Variants in PDE4D observed in about 807,000 individuals in gnomAD.
PDE4D encodes the protein 3',5'-cyclic-AMP phosphodiesterase 4D.
Under a neutral mutation model 87.4 loss-of-function variants are expected in PDE4D, and 24 were observed. The ratio of observed to expected loss-of-function variants is 0.27; its 90% CI spans 0.20 to 0.39. PDE4D has a LOEUF of 0.39. PDE4D is among the 10% of genes least tolerant of loss of function. The pLI is 1.00. For missense variants in PDE4D, 714 were observed against 1,041.0 expected (o/e 0.69, Z 4.32); for synonymous variants, 384 against 383.2 (o/e 1.00, Z -0.02).
At chr5:60,120,195 C>G (rs1778551026) in intron 2 of PDE4D, among the ~76,000 whole-genome samples, 1 of 152,122 alleles carries the variant, frequency 6.6e-6, no homozygotes, top group Non-Finnish European at 1.5e-5. Flanking sequence ...TCCAATATGT[C>G]CATTGCATTA....
intron 2 of PDE4D, among the ~76,000 whole-genome samples, chr5:60,016,159 A>G (rs1238086560): frequency 6.6e-6 from 1 of 151,990 alleles, no homozygotes; most frequent in Non-Finnish European, 1.5e-5. Context: ...ATTGTAATAC[A>G]GTAACTCACA....
At chr5:60,344,340 C>G (rs1332591379) in intron 1 of PDE4D, among the ~76,000 whole-genome samples, 1 of 151,896 alleles carries the variant, frequency 6.6e-6, no homozygotes, top group Non-Finnish European at 1.5e-5. Flanking sequence ...CAATAGAGCT[C>G]TCTATTCGTT....
chr5:60,511,879 ACT>A (rs1717869199), intron 1 of PDE4D, among the ~76,000 whole-genome samples: 4 of 152,136 alleles, frequency 2.6e-5, no homozygotes, highest in African/African-American at 4.8e-5. Context: ...TATTTCAAGC[ACT>A]CTATTAATGC....
At chr5:60,042,705 CCTGA>C (rs1452856869) in intron 2 of PDE4D, among the ~76,000 whole-genome samples, 2 of 152,142 alleles carry the variant, frequency 1.3e-5, no homozygotes, top group African/African-American at 2.4e-5. Context: ...AGCAGAGAGG[CCTGA>C]CTGTTAGAAG....
chr5:59,513,550 C>T (rs1810620380), intron 1 of PDE4D, among the ~76,000 whole-genome samples: 1 of 152,110 alleles, frequency 6.6e-6, no homozygotes, highest in African/African-American at 2.4e-5. Context: ...CTGTAAAAGA[C>T]TACATGATTT....
intron 1 of PDE4D, among the ~76,000 whole-genome samples, chr5:60,306,298 T>C (rs1310233837): frequency 1.3e-5 from 2 of 151,892 alleles, no homozygotes; most frequent in African/African-American, 2.4e-5. Context: ...AAAATCTATA[T>C]AAAATCTAAT....
intron 1 of PDE4D, among the ~76,000 whole-genome samples, chr5:60,287,700 C>A (rs922737710): frequency 6.6e-6 from 1 of 152,180 alleles, no homozygotes; most frequent in Admixed American, 6.5e-5. Context: ...CCATCCTTGG[C>A]AGAAATAGTT....
intron 1 of PDE4D, among the ~76,000 whole-genome samples, chr5:60,279,960 G>A (rs1751737942): frequency 2.0e-5 from 3 of 151,984 alleles, no homozygotes; most frequent in African/African-American, 7.2e-5. Context: ...GATTACAGGC[G>A]TGAGCCACCA....
At chr5:59,282,903 T>C (rs1015669663) in intron 1 of PDE4D, among the ~76,000 whole-genome samples, 4 of 152,114 alleles carry the variant, frequency 2.6e-5, no homozygotes, top group Non-Finnish European at 5.9e-5. Flanking sequence ...ATAAGTTTTC[T>C]CTAATGTAAA....
At chr5:59,210,181 G>T (rs1471701310) in intron 2 of PDE4D, among the ~76,000 whole-genome samples, 1 of 152,204 alleles carries the variant, frequency 6.6e-6, no homozygotes, top group Non-Finnish European at 1.5e-5. Flanking sequence ...TTGCAATCTA[G>T]GTAAGAGATG....
chr5:60,219,469 G>A (rs1305437514), intron 1 of PDE4D, among the ~76,000 whole-genome samples: 2 of 152,150 alleles, frequency 1.3e-5, no homozygotes, highest in African/African-American at 4.8e-5. Context: ...AGAAAACTGA[G>A]CACCAGAAAG....
chr5:59,681,763 C>A (rs558400114), intron 1 of PDE4D, among the ~76,000 whole-genome samples: 1 of 151,792 alleles, frequency 6.6e-6, no homozygotes, highest in African/African-American at 2.4e-5. Context: ...ATTAGCCGGG[C>A]GTGGTGGTGG....
chr5:60,361,264 T>C lies in PDE4D; in HGVS notation c.-90+126678A>G, dbSNP rs1284556925. Among the ~76,000 whole-genome samples the C allele has an allele frequency of 5.3e-5, 8 of 152,204 alleles. No individual in the cohort carries two copies. The South Asian group carries it at 1.2e-3, about 24-fold the overall frequency. ...GGACTGGTTCCCAATAAATGTTGGATACATTCAAGGATTGAATTTAGTTTG... is the reference window on the plus strand; with the variant it reads ...GGACTGGTTCCCAATAAATGTTGGACACATTCAAGGATTGAATTTAGTTTG... On this transcript the variant is annotated intron_variant, in intron 1 of 16. Coordinates refer to the PDE4D transcript ENST00000502484.
intron 1 of PDE4D, among the ~76,000 whole-genome samples, chr5:60,359,189 T>C (rs1759859227): frequency 6.6e-6 from 1 of 152,128 alleles, no homozygotes; most frequent in Non-Finnish European, 1.5e-5. Context: ...GGCTGATTGC[T>C]AGAGTTCAGG....
intron 1 of PDE4D, among the ~76,000 whole-genome samples, chr5:60,193,867 C>A (rs1237677213): frequency 1.3e-5 from 2 of 151,244 alleles, no homozygotes; most frequent in Non-Finnish European, 3.0e-5. Flanking sequence ...AAAAATTATG[C>A]CTCAGCTTCC....
chr5:59,478,505 T>C (rs892978481), intron 1 of PDE4D, among the ~76,000 whole-genome samples: 2 of 152,102 alleles, frequency 1.3e-5, no homozygotes, highest in Non-Finnish European at 2.9e-5. Flanking sequence ...ATGGATACAC[T>C]AACCACAAAT....
intron 3 of PDE4D, among the ~76,000 whole-genome samples, chr5:59,186,600 ATGTCCCAGACTCTGTTTTGT>A (rs1742973361): frequency 6.6e-6 from 1 of 152,176 alleles, no homozygotes; most frequent in African/African-American, 2.4e-5. Context: ...TAAGACAAAA[ATGTCCCAGACTCTGTTTTGT>A]TGTTGCTGTT....
chr5:59,216,915 A>G (rs1003960892), intron 1 of PDE4D: 1 of 200,056 alleles, frequency 5.0e-6, no homozygotes, highest in African/African-American at 2.4e-5. Flanking sequence ...TTTACAATGA[A>G]TTGAAAATGT....
rs34074485 is a variant in PDE4D at position 59,413,457 on chromosome 5, C to CAAA, written c.456-197492_456-197490dup. On this transcript the variant is annotated intron_variant, in intron 1 of 14. Transcript: ENST00000340635. The stretch of plus-strand genomic sequence containing the variant: ...TGGGTGACTGAGTGAGACTCCATCT[C>CAAA]AAAAAAAAAAAAAAAAAAAAAAAAG... Among the ~76,000 whole-genome samples the CAAA allele has an allele frequency of 9.2e-4, 50 of 54,404 alleles. 1 individual carries two copies. Among genetic ancestry groups the CAAA allele is most frequent in the African/African-American group, 1.6e-3 (19 of 12,018 alleles). 35.7% of individuals were successfully genotyped at this position (54,404 alleles called of 152,430 possible).
Sources: gnomAD v4.1 joint callset for allele counts (sites outside exome capture counted in the v4.1 genomes callset) on GRCh38, gnomAD v4.1.1 for gene constraint, MANE v1.5 for transcripts, NCBI Gene and HGNC (gene_info 2026-07-23, HGNC 2026-07-21) for gene names.